Variants in ZC3H7A observed in about 807,000 individuals in gnomAD.
ZC3H7A encodes zinc finger CCCH-type containing 7A.
Under a neutral mutation model 125.5 loss-of-function variants are expected in ZC3H7A, and 44 were observed. That is an observed-to-expected ratio of 0.35 (90% CI 0.28 to 0.45). ZC3H7A has a LOEUF of 0.45. Among genes scored for constraint, ZC3H7A ranks in the 20% least tolerant of loss-of-function variants. The pLI is 1.00. For missense variants in ZC3H7A, 977 were observed against 1,170.7 expected (o/e 0.83, Z 2.41); for synonymous variants, 399 against 391.2 (o/e 1.02, Z -0.23).
intron 4 of ZC3H7A, among the ~76,000 whole-genome samples, chr16:11,778,293 T>G (rs1295832978): frequency 6.6e-6 from 1 of 151,770 alleles, no homozygotes. Flanking sequence ...AAAAATTTGC[T>G]GGGCACGGCG....
chr16:11,765,585 G>T lies in ZC3H7A; in HGVS notation c.1623C>A (p.Phe541Leu). 1 of 1,614,172 alleles carries T rather than the reference G, an allele frequency of 6.2e-7. No homozygotes were observed. ...DVWTLERKGA[F>L]SREAFFGGNG... is the part of the protein sequence containing the mutation. Reference sequence around the variant, plus strand: ...TGCCGCCAAAGAAAGCCTCCCGGCTGAATGCTCCTTTCCGCTCCAGTGTCC... The same window carrying T: ...TGCCGCCAAAGAAAGCCTCCCGGCTTAATGCTCCTTTCCGCTCCAGTGTCC... Residue 541 changes from phenylalanine to leucine, a missense_variant, in exon 14 of 23, where the codon TTC (phenylalanine) becomes TTA (leucine). Physicochemically the swap from Phe to Leu is conservative, Grantham distance 22. Transcript: ENST00000355758. The surrounding 1 kb of genome is among the most constrained non-coding windows in gnomAD (Gnocchi z 4.8).
chr16:11,775,304 G>C (rs111870315), intron 7 of ZC3H7A, among the ~76,000 whole-genome samples: 1 of 151,864 alleles, frequency 6.6e-6, no homozygotes, highest in African/African-American at 2.4e-5. Context: ...CCGGGAGGTG[G>C]AGGCTGCAGT....
intron 1 of ZC3H7A, among the ~76,000 whole-genome samples, chr16:11,784,626 G>A (rs1210848756): frequency 1.3e-5 from 2 of 152,038 alleles, no homozygotes; most frequent in African/African-American, 2.4e-5. Context: ...AGGCCGAGGC[G>A]AGTGGATCAC....
intron 9 of ZC3H7A, among the ~76,000 whole-genome samples, chr16:11,773,622 C>T (rs4781150): frequency 0.19 from 28,639 of 151,798 alleles, 3,421 homozygotes; most frequent in East Asian, 0.48. Context: ...GTAGCTCACG[C>T]TTGTAATCCC....
At position 11,756,278 on chromosome 16, in the gene ZC3H7A, C is replaced by T. The variant is rs913723732; in HGVS notation, c.2521G>A (p.Gly841Arg). 1 of 1,614,052 alleles carries T rather than the reference C, an allele frequency of 6.2e-7. No homozygotes were observed. The highest frequency in any genetic ancestry group is 1.3e-5 in the African/African-American group (1 of 75,028). The change falls in exon 21 of 23, where the codon GGA becomes AGA. Residue 841 changes from glycine to arginine, a missense_variant. Transcript: ENST00000355758. Reference sequence around the variant, plus strand: ...TCTGTTGGCATGTGAATTTGTTTTCCATTTTCCTTGTTTGACTGACTGGCT... The same window carrying T: ...TCTGTTGGCATGTGAATTTGTTTTCTATTTTCCTTGTTTGACTGACTGGCT... The part of the protein sequence containing the change: ...DIASQSNKEN[G>R]KQIHMPTDYA...
intron 1 of ZC3H7A, among the ~76,000 whole-genome samples, chr16:11,785,019 G>A (rs1217615989): frequency 3.3e-5 from 5 of 151,004 alleles, no homozygotes; most frequent in Non-Finnish European, 5.9e-5. Flanking sequence ...TTAGCCGGGC[G>A]TGGTGGCACA....
chr16:11,752,614 A>G (rs1301897297), intron 22 of ZC3H7A, 55 bp downstream of exon 22: 6 of 1,575,030 alleles, frequency 3.8e-6, no homozygotes, highest in African/African-American at 1.4e-5. Flanking sequence ...TGACATGTCC[A>G]TGAAAATTTG....
intron 1 of ZC3H7A, among the ~76,000 whole-genome samples, chr16:11,787,242 C>T (rs549969671): frequency 1.3e-5 from 2 of 152,234 alleles, no homozygotes; most frequent in Admixed American, 6.5e-5. Flanking sequence ...TTGGAGGCTG[C>T]AGTGAGCTGC....
At chr16:11,761,340 A>G in intron 19 of ZC3H7A, 66 bp downstream of exon 19, 1 of 1,398,048 alleles carries the variant, frequency 7.2e-7, no homozygotes, top group South Asian at 1.2e-5. Flanking sequence ...AATCTGAATT[A>G]CTACTATTTT....
intron 9 of ZC3H7A, 64 bp downstream of exon 9, chr16:11,774,172 A>G (rs922205009): frequency 1.4e-6 from 2 of 1,422,674 alleles, no homozygotes; most frequent in Non-Finnish European, 1.9e-6. Context: ...CTATCAAGTT[A>G]TATTACAATT....
At chr16:11,788,608 T>C (rs1032133212) in intron 1 of ZC3H7A, among the ~76,000 whole-genome samples, 1 of 151,328 alleles carries the variant, frequency 6.6e-6, no homozygotes, top group Non-Finnish European at 1.5e-5. Context: ...GCTTTCTTTT[T>C]TTTCTTTCTT....
intron 3 of ZC3H7A, 56 bp from the exon 4 acceptor site, chr16:11,779,419 G>A: frequency 3.3e-6 from 5 of 1,500,956 alleles, no homozygotes; most frequent in Non-Finnish European, 4.5e-6. Flanking sequence ...TATGGTATAA[G>A]TAAATTTTAA....
chr16:11,790,751 C>T (rs980022408), intron 1 of ZC3H7A, among the ~76,000 whole-genome samples: 3 of 151,960 alleles, frequency 2.0e-5, no homozygotes, highest in Non-Finnish European at 4.4e-5. Flanking sequence ...GTTGGTCCAG[C>T]TGGTCTTGAA....
intron 1 of ZC3H7A, among the ~76,000 whole-genome samples, chr16:11,789,160 G>T (rs180779168): frequency 3.3e-4 from 50 of 152,194 alleles, no homozygotes; most frequent in Non-Finnish European, 6.0e-4. Context: ...AAGGAAGAGG[G>T]GGTGAAGGGT....
chr16:11,773,882 CA>C (rs533510152), intron 9 of ZC3H7A, among the ~76,000 whole-genome samples: 6 of 149,242 alleles, frequency 4.0e-5, no homozygotes, highest in Non-Finnish European at 5.9e-5. Flanking sequence ...GACTCCGTCT[CA>C]AAAAAAAATA....
intron 4 of ZC3H7A, among the ~76,000 whole-genome samples, chr16:11,778,095 G>GA (rs2053112774): frequency 6.6e-6 from 1 of 151,372 alleles, no homozygotes; most frequent in South Asian, 2.1e-4. Context: ...TTAAAAATGT[G>GA]AAAATCTAGT....
intron 4 of ZC3H7A, among the ~76,000 whole-genome samples, chr16:11,777,859 A>G (rs973811476): frequency 1.3e-5 from 2 of 151,902 alleles, no homozygotes; most frequent in African/African-American, 4.8e-5. Flanking sequence ...GTCTCTACTA[A>G]AAATACAAAA....
intron 1 of ZC3H7A, chr16:11,782,669 G>T (rs537798712): frequency 5.1e-6 from 1 of 194,582 alleles, no homozygotes; most frequent in East Asian, 1.3e-4. Context: ...GTGCAGTGGC[G>T]CGATCTCGCG....
chr16:11,785,018 C>T (rs1263292901), intron 1 of ZC3H7A, among the ~76,000 whole-genome samples: 1 of 151,710 alleles, frequency 6.6e-6, no homozygotes, highest in African/African-American at 2.4e-5. Flanking sequence ...ATTAGCCGGG[C>T]GTGGTGGCAC....
Sources: allele counts gnomAD v4.1 joint callset (sites outside exome capture counted in the v4.1 genomes callset), GRCh38; gene constraint gnomAD v4.1.1; non-coding constraint Gnocchi (gnomAD v3.1); transcripts MANE v1.5; gene names NCBI Gene and HGNC (gene_info 2026-07-23, HGNC 2026-07-21).